The following ZNF385D variants were observed in gnomAD, a reference collection of about 807,000 sequenced individuals.
The protein encoded by ZNF385D is zinc finger protein 659.
In ZNF385D, 15 loss-of-function variants were observed where a neutral mutation model predicts 35.8. The observed-to-expected ratio is 0.42, with a 90% CI of 0.28 to 0.64. ZNF385D has a LOEUF of 0.64. Ranked by LOEUF, ZNF385D falls within the 30% of genes least tolerant of loss-of-function variation. The pLI is 0.23. For missense variants in ZNF385D, 474 were observed against 494.6 expected, an observed-to-expected ratio of 0.96 and a Z score of 0.39; for synonymous variants, 212 against 186.8, an observed-to-expected ratio of 1.13 and a Z score of -1.10.
intron 2 of ZNF385D, among the ~76,000 whole-genome samples, chr3:22,213,229 A>G (rs1232525731): frequency 6.6e-6 from 1 of 152,090 alleles, no homozygotes; most frequent in African/African-American, 2.4e-5. Flanking sequence ...CTTTCTCTCA[A>G]AGGACAGATA....
intron 3 of ZNF385D, among the ~76,000 whole-genome samples, chr3:22,110,529 A>G (rs1375116284): frequency 6.6e-6 from 1 of 152,098 alleles, no homozygotes; most frequent in Non-Finnish European, 1.5e-5. Context: ...TCAGCAAACT[A>G]TCACAAGGAC....
intron 3 of ZNF385D, among the ~76,000 whole-genome samples, chr3:21,859,635 G>A (rs1410849115): frequency 1.3e-5 from 2 of 150,086 alleles, no homozygotes; most frequent in African/African-American, 4.9e-5. Flanking sequence ...AGAGCCTGCT[G>A]CTGAAACAAC....
chr3:22,354,138 CTG>C (rs1389404733), intron 2 of ZNF385D, among the ~76,000 whole-genome samples: 7 of 152,104 alleles, frequency 4.6e-5, no homozygotes, highest in African/African-American at 7.2e-5. Context: ...CATAGTTATA[CTG>C]ATTACTGGAT....
intron 2 of ZNF385D, among the ~76,000 whole-genome samples, chr3:21,644,530 G>A (rs752298583): frequency 1.3e-5 from 2 of 152,092 alleles, no homozygotes; most frequent in African/African-American, 4.8e-5. Flanking sequence ...CGCAGACATG[G>A]GAGAAATGCA....
Position 21,588,531 on chromosome 3 carries a change from A to G in ZNF385D, c.166-23847T>C, listed in dbSNP as rs570692026. 1.4e-3 allele frequency among the ~76,000 whole-genome samples: 207 copies of G among 152,272 alleles called. 2 individuals are homozygous for G. Among genetic ancestry groups the G allele is most frequent in the Non-Finnish European group, 1.0e-3 (69 of 68,006 alleles). On this transcript the variant is annotated intron_variant, in intron 2 of 7. Transcript: ENST00000281523. ...TATCAAACAGTATATAACCTTATAG[A>G]GATAACATATACAATATATATAAAG... is the stretch of plus-strand genomic sequence containing the variant.
At chr3:21,950,660 T>C (rs532466052) in intron 3 of ZNF385D, among the ~76,000 whole-genome samples, 67 of 151,938 alleles carry the variant, frequency 4.4e-4, no homozygotes, top group Middle Eastern at 3.4e-3. Flanking sequence ...GGTTTTCTTC[T>C]AGGGTTTTTA....
rs1198307612 is a variant in ZNF385D at position 22,175,151 on chromosome 3, T to C, written c.107-6116A>G. ...ATCCTAATGGAGTTTATAATTCTTA[T>C]ACAATTTTCTTGACCAGCTCATAAA... On this transcript the variant is annotated intron_variant, in intron 2 of 5. Transcript: ENST00000494108. Among the ~76,000 whole-genome samples the C allele has an allele frequency of 2.6e-5, 4 of 151,976 alleles. No individual in the cohort carries two copies. The East Asian group carries it at 5.8e-4, about 22-fold the overall frequency.
intron 3 of ZNF385D, among the ~76,000 whole-genome samples, chr3:22,146,178 TA>T (rs1704841758): frequency 6.6e-6 from 1 of 152,172 alleles, no homozygotes; most frequent in Non-Finnish European, 1.5e-5. Context: ...TCTGGTCTAC[TA>T]AAAAAGTAGC....
At chr3:21,782,681 C>A (rs1259098004) in intron 3 of ZNF385D, among the ~76,000 whole-genome samples, 1 of 152,004 alleles carries the variant, frequency 6.6e-6, no homozygotes, top group Non-Finnish European at 1.5e-5. Flanking sequence ...CTCTATTTTT[C>A]TTAGGATTAT....
chr3:21,511,764 T>C, intron 3 of ZNF385D: 1 of 456,502 alleles, frequency 2.2e-6, no homozygotes, highest in Non-Finnish European at 4.4e-6. Context: ...CCATCTGAGA[T>C]ATATAGAGAG....
chr3:22,058,708 T>C (rs1236336907), intron 3 of ZNF385D, among the ~76,000 whole-genome samples: 1 of 152,256 alleles, frequency 6.6e-6, no homozygotes, highest in Non-Finnish European at 1.5e-5. Context: ...TTAAGTACTC[T>C]AAAACATTTT....
At position 22,352,372 on chromosome 3, in the gene ZNF385D, G is replaced by C. The variant is rs559328554; in HGVS notation, c.106+20078C>G. 2.0e-4 allele frequency among the ~76,000 whole-genome samples: 31 copies of C among 152,294 alleles called. No individual in the cohort carries two copies. In the South Asian group the frequency reaches 6.4e-3, roughly 32 times the overall value. On this transcript the variant is annotated intron_variant, in intron 2 of 5. Transcript: ENST00000494108. ...ATTTTAGGCAGTTTAGATCCATTTA[G>C]GTTAGCAGAGCCTCCTTTCACAATC... is the stretch of plus-strand genomic sequence containing the variant.
chr3:21,842,353 T>C (rs1390009291), intron 3 of ZNF385D, among the ~76,000 whole-genome samples: 1 of 151,938 alleles, frequency 6.6e-6, no homozygotes, highest in Non-Finnish European at 1.5e-5. Flanking sequence ...GGAAGGAGAA[T>C]GAATTTTGGC....
intron 3 of ZNF385D, among the ~76,000 whole-genome samples, chr3:22,100,607 T>C (rs1299091199): frequency 1.4e-5 from 2 of 144,020 alleles, no homozygotes; most frequent in Non-Finnish European, 3.0e-5. Context: ...CATCACATAT[T>C]CTCACTCATA....
chr3:22,005,624 T>A (rs1312226693), intron 3 of ZNF385D, among the ~76,000 whole-genome samples: 2 of 152,048 alleles, frequency 1.3e-5, no homozygotes, highest in Non-Finnish European at 2.9e-5. Context: ...TTATTATATA[T>A]CAATAAGAAT....
intron 3 of ZNF385D, among the ~76,000 whole-genome samples, chr3:22,056,417 A>G (rs1049948863): frequency 6.6e-6 from 1 of 152,176 alleles, no homozygotes; most frequent in African/African-American, 2.4e-5. Flanking sequence ...ATGATAAGCT[A>G]AAATTCCATC....
intron 3 of ZNF385D, among the ~76,000 whole-genome samples, chr3:22,029,776 T>A (rs555158497): frequency 6.6e-6 from 1 of 152,218 alleles, no homozygotes; most frequent in African/African-American, 2.4e-5. Context: ...GGTAGTTGTA[T>A]TATGTTAGGC....
intron 2 of ZNF385D, among the ~76,000 whole-genome samples, chr3:22,277,971 C>T (rs979113016): frequency 6.6e-6 from 1 of 152,066 alleles, no homozygotes; most frequent in Admixed American, 6.6e-5. Context: ...ACCTCACGTC[C>T]TTCAGGAAGT....
At chr3:22,086,884 G>C (rs1273025315) in intron 3 of ZNF385D, among the ~76,000 whole-genome samples, 1 of 152,072 alleles carries the variant, frequency 6.6e-6, no homozygotes, top group Non-Finnish European at 1.5e-5. Context: ...ATTGAACAAT[G>C]AGAACACTTG....
Sources: gnomAD v4.1 joint callset for allele counts (sites outside exome capture counted in the v4.1 genomes callset) on GRCh38, gnomAD v4.1.1 for gene constraint, MANE v1.5 for transcripts, NCBI Gene and HGNC (gene_info 2026-07-23, HGNC 2026-07-21) for gene names.